Variants in PAPPA2 observed in about 807,000 individuals in gnomAD.
The protein encoded by PAPPA2 is pappalysin-2.
In PAPPA2, 86 loss-of-function variants were observed where a neutral mutation model predicts 176.4. The observed-to-expected ratio is 0.49, with a 90% CI of 0.41 to 0.58. The LOEUF is 0.58. Ranked by LOEUF, PAPPA2 falls within the 20% of genes least tolerant of loss-of-function variation. The probability of loss-of-function intolerance (pLI) is 0.00; values close to 1 mark genes in which losing one functional copy is unlikely to be tolerated. For missense variants in PAPPA2, 2,073 were observed against 2,256.9 expected (o/e 0.92, Z 1.65); for synonymous variants, 809 against 852.2 (o/e 0.95, Z 0.88).
chr1:176,529,742 G>A (rs576763187), intron 1 of PAPPA2, among the ~76,000 whole-genome samples: 15 of 152,028 alleles, frequency 9.9e-5, no homozygotes, highest in Non-Finnish European at 1.3e-4. Context: ...ACCGTGGAAC[G>A]TTTGGCAGCA....
intron 21 of PAPPA2, among the ~76,000 whole-genome samples, chr1:176,814,342 G>A (rs1666292892): frequency 6.6e-6 from 1 of 152,058 alleles, no homozygotes; most frequent in Non-Finnish European, 1.5e-5. Context: ...TAGTTTAATG[G>A]AAATAGCATT....
intron 12 of PAPPA2, among the ~76,000 whole-genome samples, chr1:176,715,568 G>A (rs1007951379): frequency 6.6e-6 from 1 of 152,150 alleles, no homozygotes; most frequent in Admixed American, 6.5e-5. Context: ...CCGACTTCCT[G>A]GGGAGCCACG....
intron 14 of PAPPA2, among the ~76,000 whole-genome samples, chr1:176,748,192 G>A (rs1663012760): frequency 6.6e-6 from 1 of 152,214 alleles, no homozygotes; most frequent in Non-Finnish European, 1.5e-5. Flanking sequence ...TGAGATAGGC[G>A]AATGTATGCA....
At chr1:176,510,649 C>T (rs1035665312) in intron 1 of PAPPA2, among the ~76,000 whole-genome samples, 1 of 150,806 alleles carries the variant, frequency 6.6e-6, no homozygotes, top group East Asian at 1.9e-4. Context: ...GAAGCAAAAA[C>T]GGCAGTCGTT....
At chr1:176,571,323 ATC>A (rs1350443135) in intron 2 of PAPPA2, among the ~76,000 whole-genome samples, 21 of 152,206 alleles carry the variant, frequency 1.4e-4, no homozygotes, top group African/African-American at 5.1e-4. Flanking sequence ...GGAATGCAGA[ATC>A]TGGAGTCTGA....
intron 1 of PAPPA2, among the ~76,000 whole-genome samples, chr1:176,515,406 A>G (rs1648852276): frequency 6.6e-6 from 1 of 152,162 alleles, no homozygotes; most frequent in African/African-American, 2.4e-5. Flanking sequence ...CAGTCCCCAT[A>G]TGATCTCATC....
In PAPPA2 at chr1:176,765,808, A is replaced by G; in HGVS notation, c.4294A>G (p.Ser1432Gly). ...TCQRGFALQASSGQYIRPMQK... is the reference protein window; with the variant it reads ...TCQRGFALQAGSGQYIRPMQK... Reference sequence around the variant, plus strand: ...TCAAAGGGGATTTGCCCTTCAGGCCAGCAGTGGGCAGTACATCAGGCCCAT... The same window carrying G: ...TCAAAGGGGATTTGCCCTTCAGGCCGGCAGTGGGCAGTACATCAGGCCCAT... The change falls in exon 15 of 23, where the codon AGC (serine) becomes GGC (glycine). Residue 1432 changes from serine (S) to glycine (G), a missense_variant. By Grantham distance (56) the Ser-to-Gly change is moderately conservative (BLOSUM62 0). Transcript: ENST00000367662. 6.2e-7 allele frequency: 1 copy of G among 1,614,152 alleles called. No individual in the cohort carries two copies. Among genetic ancestry groups the G allele is most frequent in the African/African-American group, 1.3e-5 (1 of 75,056 alleles).
intron 1 of PAPPA2, among the ~76,000 whole-genome samples, chr1:176,535,724 A>C (rs1425642229): frequency 6.6e-6 from 1 of 152,220 alleles, no homozygotes; most frequent in Non-Finnish European, 1.5e-5. Context: ...GTGGGCTTGG[A>C]AAAGTTTGTG....
intron 1 of PAPPA2, among the ~76,000 whole-genome samples, chr1:176,552,178 A>T (rs1650997173): frequency 6.6e-6 from 1 of 151,758 alleles, no homozygotes. Context: ...TTTGTGCCTC[A>T]CCATCTCTTT....
At chr1:176,472,733 C>G (rs1651940103) in intron 1 of PAPPA2, among the ~76,000 whole-genome samples, 1 of 152,094 alleles carries the variant, frequency 6.6e-6, no homozygotes, top group Non-Finnish European at 1.5e-5. Flanking sequence ...TAGGTTTTTA[C>G]AAGCATAACA....
intron 14 of PAPPA2, among the ~76,000 whole-genome samples, chr1:176,749,998 A>G (rs1204102461): frequency 6.6e-6 from 1 of 152,222 alleles, no homozygotes; most frequent in Non-Finnish European, 1.5e-5. Flanking sequence ...ATACCAAGGA[A>G]TGTGATTGCT....
chr1:176,574,012 G>A (rs557432324), intron 2 of PAPPA2, among the ~76,000 whole-genome samples: 19 of 151,948 alleles, frequency 1.3e-4, no homozygotes, highest in Admixed American at 3.9e-4. Flanking sequence ...GTCATGTGAC[G>A]CATCATTGTT....
At chr1:176,665,208 A>C (rs965105898) in intron 3 of PAPPA2, among the ~76,000 whole-genome samples, 1 of 152,208 alleles carries the variant, frequency 6.6e-6, no homozygotes, top group South Asian at 2.1e-4. Flanking sequence ...AAATTACATT[A>C]GCTCAATATG....
chr1:176,648,082 TCC>T (rs1469187040), intron 3 of PAPPA2, among the ~76,000 whole-genome samples: 1 of 151,644 alleles, frequency 6.6e-6, no homozygotes, highest in African/African-American at 2.4e-5. Context: ...GAAATATATT[TCC>T]ATTTATTGCA....
At chr1:176,521,711 G>A (rs1649225426) in intron 1 of PAPPA2, among the ~76,000 whole-genome samples, 2 of 152,282 alleles carry the variant, frequency 1.3e-5, no homozygotes, top group South Asian at 4.1e-4. Context: ...TGTGGTAAGA[G>A]GCAGGCACCC....
At chr1:176,798,458 C>T (rs1015420) in intron 20 of PAPPA2, among the ~76,000 whole-genome samples, 39,433 of 152,008 alleles carry the variant, frequency 0.26, 6,496 homozygotes, top group African/African-American at 0.46. Flanking sequence ...TGAATACCCT[C>T]CTATGAGAAG....
chr1:176,687,517 T>C (rs1238321376), intron 4 of PAPPA2, among the ~76,000 whole-genome samples: 1 of 152,178 alleles, frequency 6.6e-6, no homozygotes, highest in East Asian at 1.9e-4. Flanking sequence ...ACCCCCATAT[T>C]CTCAAGTGTT....
At chr1:176,761,336 G>A (rs1663690358) in intron 14 of PAPPA2, among the ~76,000 whole-genome samples, 1 of 152,114 alleles carries the variant, frequency 6.6e-6, no homozygotes, top group African/African-American at 2.4e-5. Flanking sequence ...TTGTTAAAAT[G>A]GAAATACCTA....
Position 176,670,566 on chromosome 1 carries a change from A to G in PAPPA2, c.1992-404A>G, listed in dbSNP as rs993364693. Among the ~76,000 whole-genome samples the G allele has an allele frequency of 3.9e-5, 6 of 152,340 alleles. No individual in the cohort carries two copies. The East Asian group carries it at 1.2e-3, about 29-fold the overall frequency. ...AAAGAGATTGAACTGGAATTCAAGG[A>G]TCATGCAGTGTGATGGAAGGAAAAG... On this transcript the variant is annotated intron_variant, in intron 3 of 22. Coordinates refer to ENST00000367662, the MANE Select transcript of PAPPA2 (RefSeq NM_020318.3).
Sources: gnomAD v4.1 joint callset for allele counts (sites outside exome capture counted in the v4.1 genomes callset) on GRCh38, gnomAD v4.1.1 for gene constraint, MANE v1.5 for transcripts, NCBI Gene and HGNC (gene_info 2026-07-23, HGNC 2026-07-21) for gene names.